The following FA2H variants were observed in gnomAD, a reference collection of about 807,000 sequenced individuals.
The protein encoded by FA2H is fatty acid 2-hydroxylase.
FA2H carries 22 observed loss-of-function variants against 44.9 expected under a neutral mutation model. The ratio of observed to expected loss-of-function variants is 0.49; its 90% CI spans 0.35 to 0.70. FA2H has a LOEUF of 0.70. FA2H is among the 30% of genes least tolerant of loss of function. The pLI is 0.01. For missense variants in FA2H, 501 were observed against 504.9 expected (o/e 0.99, Z 0.07); for synonymous variants, 243 against 213.2 (o/e 1.14, Z -1.22).
At chr16:74,741,773 A>AAT (rs57773726) in intron 1 of FA2H, among the ~76,000 whole-genome samples, 1,826 of 47,896 alleles carry the variant, frequency 0.038, 74 homozygotes, top group Middle Eastern at 0.07. Context: ...CACCTGATTA[A>AAT]ATATATATAT....
intron 2 of FA2H, among the ~76,000 whole-genome samples, chr16:74,738,385 C>T (rs971621724): frequency 6.6e-6 from 1 of 152,160 alleles, no homozygotes. Context: ...CTCCCCTTGC[C>T]TCCTGCAGTG....
chr16:74,732,613 A>C (rs1567639612), intron 2 of FA2H, among the ~76,000 whole-genome samples: 1 of 151,530 alleles, frequency 6.6e-6, no homozygotes, highest in East Asian at 1.9e-4. Flanking sequence ...ATTTTTTTGT[A>C]TTATTAGTAG....
intron 1 of FA2H, among the ~76,000 whole-genome samples, chr16:74,767,920 G>T (rs1337324087): frequency 6.6e-6 from 1 of 152,234 alleles, no homozygotes; most frequent in Non-Finnish European, 1.5e-5. Flanking sequence ...GGTGTCACCA[G>T]TTGCTGCCAG....
chr16:74,722,865 C>T (rs62051069), intron 4 of FA2H, among the ~76,000 whole-genome samples: 1 of 141,864 alleles, frequency 7.0e-6, no homozygotes, highest in Non-Finnish European at 1.5e-5. Flanking sequence ...GAGCCAAGAT[C>T]GTGCCATTGC....
chr16:74,761,250 C>T (rs1293878074), intron 1 of FA2H, among the ~76,000 whole-genome samples: 5 of 152,088 alleles, frequency 3.3e-5, no homozygotes, highest in African/African-American at 9.7e-5. Flanking sequence ...GTCAGGAGTT[C>T]GAGACCAGCC....
intron 1 of FA2H, among the ~76,000 whole-genome samples, chr16:74,764,108 T>C (rs1386977532): frequency 6.6e-6 from 1 of 152,198 alleles, no homozygotes; most frequent in Non-Finnish European, 1.5e-5. Flanking sequence ...AATTTTGTTG[T>C]TGTGGCTGAG....
At position 74,759,993 on chromosome 16, in the gene FA2H, G is replaced by A. The variant is rs118008897; in HGVS notation, c.270+14493C>T. Among the ~76,000 whole-genome samples the A allele has an allele frequency of 3.8e-3, 585 of 152,290 alleles. 6 individuals carry two copies. The highest frequency in any genetic ancestry group is 0.03 in the East Asian group (156 of 5,182). ...CTCCTTAGGCATGCAAGGACAAAGGGACAAGAACCTTAGCTTAGCAGCTGC... is the reference window on the plus strand; with the variant it reads ...CTCCTTAGGCATGCAAGGACAAAGGAACAAGAACCTTAGCTTAGCAGCTGC... On this transcript the variant is annotated intron_variant, in intron 1 of 6. Coordinates refer to ENST00000219368, the MANE Select transcript of FA2H (RefSeq NM_024306.5).
chr16:74,741,808 A>ATATATATATATATATATGTG (rs1491185782), intron 1 of FA2H, among the ~76,000 whole-genome samples: 15 of 48,380 alleles, frequency 3.1e-4, no homozygotes, highest in Non-Finnish European at 4.2e-4. Context: ...ATATATATAT[A>ATATATATATATATATATGTG]TGTGTGTGTG....
chr16:74,745,176 T>C (rs1441793520), intron 1 of FA2H, among the ~76,000 whole-genome samples: 1 of 152,194 alleles, frequency 6.6e-6, no homozygotes, highest in Non-Finnish European at 1.5e-5. Flanking sequence ...GACACTCTTG[T>C]GTTCAGCTCC....
intron 5 of FA2H, among the ~76,000 whole-genome samples, chr16:74,717,815 C>T: frequency 6.6e-6 from 1 of 152,200 alleles, no homozygotes; most frequent in South Asian, 2.1e-4. Flanking sequence ...GAGCAGGTTC[C>T]CAGAAGGTTC....
At position 74,713,491 on chromosome 16, in the gene FA2H, G is replaced by C. The variant is rs1196196669; in HGVS notation, c.*699C>G. On this transcript the variant is annotated 3_prime_UTR_variant, in exon 7 of 7. Coordinates refer to ENST00000219368, the MANE Select transcript of FA2H (RefSeq NM_024306.5). The stretch of plus-strand genomic sequence containing the variant: ...TGCCACTGGTGGAGAAGCCTCCTCA[G>C]CCTCCCTTGGGGAGAAGGGCTGTGA... 1 of 152,262 alleles carries C rather than the reference G, an allele frequency of 6.6e-6. No individual in the cohort carries two copies. Among genetic ancestry groups the C allele is most frequent in the Non-Finnish European group, 1.5e-5 (1 of 68,096 alleles). 9.4% of individuals were successfully genotyped at this position (152,262 alleles called of 1,614,324 possible). A position where few individuals can be genotyped will look rare whatever the true frequency, so the allele number is the denominator to read the frequency against.
At position 74,774,789 on chromosome 16, in the gene FA2H, G is replaced by T. The variant is rs942703804; in HGVS notation, c.-34C>A. ...ACCGCAGCTCCCAGCGCGCAGCCCG[G>T]CGTCTGCTCTGCTGCCACCCTGAGC... On this transcript the variant is annotated 5_prime_UTR_variant, in exon 1 of 7. Transcript: ENST00000219368. 7.8e-6 allele frequency: 10 copies of T among 1,275,188 alleles called. No individual in the cohort carries two copies. The highest frequency in any genetic ancestry group is 4.3e-5 in the Admixed American group (1 of 23,430). 79.0% of individuals were successfully genotyped at this position (1,275,188 alleles called of 1,614,324 possible).
intron 1 of FA2H, among the ~76,000 whole-genome samples, chr16:74,740,358 T>C (rs1489318203): frequency 6.6e-6 from 1 of 152,118 alleles, no homozygotes; most frequent in Non-Finnish European, 1.5e-5. Context: ...GGCTCACACC[T>C]GTAATCCCAG....
rs76575876 is a variant in FA2H, at chr16:74,719,224, C to T, written c.614-64G>A. 1,161 of 1,435,286 alleles carry T rather than the reference C, an allele frequency of 8.1e-4. 6 individuals carry two copies. The African/African-American group carries it at 0.014, about 17-fold the overall frequency. 88.9% of individuals were successfully genotyped at this position (1,435,286 alleles called of 1,614,324 possible). Reference sequence around the variant, plus strand: ...ATAGCAGCCTGGTAGCTCCAGGTGTCCCTGCCTCACCATCCCCATCAGCTC... The same window carrying T: ...ATAGCAGCCTGGTAGCTCCAGGTGTTCCTGCCTCACCATCCCCATCAGCTC... On this transcript the variant is annotated intron_variant, in intron 4 of 6. Coordinates refer to ENST00000219368, the MANE Select transcript of FA2H (RefSeq NM_024306.5).
At chr16:74,743,596 G>A (rs555180856) in intron 1 of FA2H, among the ~76,000 whole-genome samples, 74 of 152,306 alleles carry the variant, frequency 4.9e-4, no homozygotes, top group African/African-American at 1.7e-3. Context: ...GCTGGAAGAG[G>A]GGGCACCCTC....
chr16:74,739,880 G>A (rs1962257446), intron 2 of FA2H, 143 bp downstream of exon 2: 1 of 771,034 alleles, frequency 1.3e-6, no homozygotes, highest in Non-Finnish European at 2.4e-6. Flanking sequence ...TCATGCCTCT[G>A]GGCTGTGGAC....
intron 6 of FA2H, among the ~76,000 whole-genome samples, chr16:74,715,503 G>C (rs1023354621): frequency 6.6e-6 from 1 of 152,098 alleles, no homozygotes; most frequent in Admixed American, 6.5e-5. Flanking sequence ...ATGTTTCCCA[G>C]ACTGGTCTGG....
intron 2 of FA2H, among the ~76,000 whole-genome samples, chr16:74,729,042 T>C (rs1338360081): frequency 0.014 from 1,273 of 92,232 alleles, no homozygotes; most frequent in Middle Eastern, 0.055. Flanking sequence ...GACAGAGTCT[T>C]GCTCTGTCAC....
chr16:74,740,343 G>A (rs534738148), intron 1 of FA2H, among the ~76,000 whole-genome samples: 5 of 152,136 alleles, frequency 3.3e-5, no homozygotes, highest in African/African-American at 9.6e-5. Flanking sequence ...CCAGCCGGGC[G>A]CAGTGGCTCA....
Sources: allele counts gnomAD v4.1 joint callset (sites outside exome capture counted in the v4.1 genomes callset), GRCh38; gene constraint gnomAD v4.1.1; transcripts MANE v1.5; gene names NCBI Gene and HGNC (gene_info 2026-07-23, HGNC 2026-07-21).